The following SCGN variants were observed in gnomAD, a reference collection of about 807,000 sequenced individuals.
SCGN encodes secretagogin, EF-hand calcium binding protein, also known as secretagogin.
A neutral mutation model predicts 39.7 loss-of-function variants in SCGN; 30 were observed. That is an observed-to-expected ratio of 0.76 (90% confidence interval 0.57 to 1.03). SCGN has a LOEUF of 1.03. SCGN is among the 50% of genes least tolerant of loss of function. The pLI, the probability that SCGN is intolerant of heterozygous loss-of-function variation, is 0.00. For synonymous variants in SCGN, 106 were observed against 114.1 expected, an observed-to-expected ratio of 0.93 and a Z score of 0.45; for missense variants, 353 against 349.4, an observed-to-expected ratio of 1.01 and a Z score of -0.08.
At chr6:25,672,354 A>G (rs922418310) in intron 6 of SCGN, among the ~76,000 whole-genome samples, 3 of 152,258 alleles carry the variant, frequency 2.0e-5, no homozygotes, top group Non-Finnish European at 4.4e-5. Context: ...AATGCATTAT[A>G]TTGCATAACA....
chr6:25,653,200 A>G (rs1370618321), intron 1 of SCGN, among the ~76,000 whole-genome samples, 182 bp from the exon 2 acceptor site: 2 of 152,238 alleles, frequency 1.3e-5, no homozygotes, highest in Non-Finnish European at 2.9e-5. Flanking sequence ...GTATTCTGGA[A>G]CAGTGTTTAC....
chr6:25,689,288 G>T, intron 8 of SCGN, 71 bp downstream of exon 8: 1 of 1,274,232 alleles, frequency 7.8e-7, no homozygotes, highest in Non-Finnish European at 1.1e-6. Flanking sequence ...CAGGAAAGAA[G>T]AAAGGAAGGC....
intron 6 of SCGN, 93 bp downstream of exon 6, chr6:25,670,169 A>C (rs1759476357): frequency 1.1e-6 from 1 of 874,160 alleles, no homozygotes; most frequent in Non-Finnish European, 1.9e-6. Context: ...TTCGTCCTTG[A>C]GAAATTGAAG....
Position 25,701,382 on chromosome 6 carries a change from G to A in SCGN, c.*47G>A, listed in dbSNP as rs1186668979. The A allele has an allele frequency of 6.3e-7, 1 of 1,591,184 alleles. No individual in the cohort carries two copies. The highest frequency in any genetic ancestry group is 8.6e-7 in the Non-Finnish European group (1 of 1,169,136). ...GCTCTTACTATGTTTCTGTGATCTT[G>A]CTGGTAGAATTGTATCTGTGCATTG... is the stretch of plus-strand genomic sequence containing the variant. On this transcript the variant is annotated 3_prime_UTR_variant, in exon 11 of 11. Transcript: ENST00000377961.
Position 25,659,969 on chromosome 6 carries a change from G to A in SCGN, c.154-1583G>A, listed in dbSNP as rs149023446. The stretch of plus-strand genomic sequence containing the variant: ...CAAAAAAAACAGAAACATTTTCTCA[G>A]CCAGTGATGGGAAAATGATAAAGGA... On this transcript the variant is annotated intron_variant, in intron 2 of 10. Coordinates refer to ENST00000377961, the MANE Select transcript of SCGN (RefSeq NM_006998.4). Among the ~76,000 whole-genome samples, 3 of 152,244 alleles carry A rather than the reference G, an allele frequency of 2.0e-5. No individual in the cohort carries two copies. The East Asian group carries it at 5.8e-4, about 29-fold the overall frequency.
intron 2 of SCGN, among the ~76,000 whole-genome samples, chr6:25,656,576 A>C (rs140028300): frequency 6.6e-6 from 1 of 152,288 alleles, no homozygotes; most frequent in Admixed American, 6.5e-5. Flanking sequence ...TTCTATGTGT[A>C]CATACCCCTC....
intron 2 of SCGN, among the ~76,000 whole-genome samples, chr6:25,661,021 A>G (rs1409450620): frequency 6.6e-6 from 1 of 152,224 alleles, no homozygotes; most frequent in African/African-American, 2.4e-5. Context: ...GAGTTGTAAC[A>G]TCTTTGGTTA....
chr6:25,667,465 G>C (rs1447851230), intron 4 of SCGN, among the ~76,000 whole-genome samples: 1 of 152,044 alleles, frequency 6.6e-6, no homozygotes, highest in Non-Finnish European at 1.5e-5. Flanking sequence ...CTTTTCCCCT[G>C]AACCACAGGG....
At position 25,653,420 on chromosome 6, in the gene SCGN, T is replaced by C; in HGVS notation, c.121T>C (p.Phe41Leu). 1 of 1,613,322 alleles carries C rather than the reference T, an allele frequency of 6.2e-7. No homozygotes were observed. Among genetic ancestry groups the C allele is most frequent in the Middle Eastern group, 1.7e-4 (1 of 6,054 alleles). ...AGAAGAGAAGGAACTCGATGCTTTC[T>C]TTCTCCACATGTTGATGAAACTGGG... is the stretch of plus-strand genomic sequence containing the variant. ...YIEEKELDAF[F>L]LHMLMKLGTD... Residue 41 changes from phenylalanine to leucine, a missense_variant, in exon 2 of 11, where the codon TTT becomes CTT. By Grantham distance (22) the Phe-to-Leu change is conservative. Coordinates refer to ENST00000377961, the MANE Select transcript of SCGN (RefSeq NM_006998.4).
At chr6:25,691,637 T>G (rs137916408) in intron 10 of SCGN, among the ~76,000 whole-genome samples, 1 of 152,352 alleles carries the variant, frequency 6.6e-6, no homozygotes, top group East Asian at 1.9e-4. Flanking sequence ...AGCTGTTTTA[T>G]GTAGGATAGA....
intron 10 of SCGN, among the ~76,000 whole-genome samples, chr6:25,699,958 G>A (rs895835063): frequency 6.6e-6 from 1 of 151,946 alleles, no homozygotes. Context: ...TAAATTTAGG[G>A]CCAGTGGCCG....
At chr6:25,693,826 G>A (rs868807484) in intron 10 of SCGN, among the ~76,000 whole-genome samples, 1 of 152,156 alleles carries the variant, frequency 6.6e-6, no homozygotes, top group Non-Finnish European at 1.5e-5. Flanking sequence ...TCGGATTCTA[G>A]GCTGACCCCC....
intron 10 of SCGN, among the ~76,000 whole-genome samples, chr6:25,691,720 C>T (rs1169335225): frequency 1.3e-5 from 2 of 152,180 alleles, no homozygotes; most frequent in South Asian, 4.1e-4. Context: ...TTAAGCAGAT[C>T]ATTTCCTATT....
At chr6:25,696,194 C>T (rs973344111) in intron 10 of SCGN, among the ~76,000 whole-genome samples, 1 of 152,136 alleles carries the variant, frequency 6.6e-6, no homozygotes, top group East Asian at 1.9e-4. Context: ...AAAAATGTCT[C>T]TTTTCACTTT....
chr6:25,676,985 G>C (rs1561766159), intron 6 of SCGN, among the ~76,000 whole-genome samples: 1 of 152,004 alleles, frequency 6.6e-6, no homozygotes, highest in Admixed American at 6.6e-5. Flanking sequence ...AAACTCTTGC[G>C]TCATCTGGTC....
At position 25,652,217 on chromosome 6, in the gene SCGN, T is replaced by G; in HGVS notation, c.-187T>G. ...GCGGGCTTCCAGCCGCTGGTTTTGC[T>G]GAGGGCTGAGGGACGGCTCAGCGAC... On this transcript the variant is annotated 5_prime_UTR_variant, in exon 1 of 11. Coordinates refer to ENST00000377961, the MANE Select transcript of SCGN (RefSeq NM_006998.4). The G allele has an allele frequency of 1.8e-6, 1 of 567,214 alleles. No individual in the cohort carries two copies. The highest frequency in any genetic ancestry group is 3.1e-6 in the Non-Finnish European group (1 of 318,154). The allele number at this position is 567,214 out of a possible 1,614,324, so 35.1% of individuals were successfully genotyped here. A position where few individuals can be genotyped will look rare whatever the true frequency, so the allele number is the denominator to read the frequency against.
intron 4 of SCGN, among the ~76,000 whole-genome samples, chr6:25,668,508 AT>A (rs1759429940): frequency 6.6e-6 from 1 of 152,210 alleles, no homozygotes; most frequent in African/African-American, 2.4e-5. Context: ...CACAGGCAAG[AT>A]TTCTTAGAGG....
intron 7 of SCGN, among the ~76,000 whole-genome samples, chr6:25,683,142 G>T (rs59034455): frequency 0.014 from 2,086 of 152,234 alleles, 43 homozygotes; most frequent in African/African-American, 0.044. Flanking sequence ...AGCCACTGAG[G>T]GACCAGCCAA....
intron 4 of SCGN, among the ~76,000 whole-genome samples, chr6:25,666,177 TAA>T (rs59692433): frequency 0.5 from 62,020 of 124,658 alleles, 15,059 homozygotes; most frequent in East Asian, 0.71. Context: ...CCATCTCTAC[TAA>T]AAAAAAAAAA....
Sources: gnomAD v4.1 joint callset for allele counts (sites outside exome capture counted in the v4.1 genomes callset) on GRCh38, gnomAD v4.1.1 for gene constraint, MANE v1.5 for transcripts, NCBI Gene and HGNC (gene_info 2026-07-23, HGNC 2026-07-21) for gene names.